DNM1: variants seen among roughly 807,000 people sequenced by gnomAD.
DNM1 encodes the protein dynamin-1.
In DNM1, 29 loss-of-function variants were observed where a neutral mutation model predicts 104.6. That is an observed-to-expected ratio of 0.28 (90% CI 0.21 to 0.38). The LOEUF is 0.38. Ranked by LOEUF, DNM1 falls within the 10% of genes least tolerant of loss-of-function variation. DNM1 has a pLI of 1.00. For missense variants in DNM1, 640 were observed against 1,189.4 expected (o/e 0.54, Z 6.79); for synonymous variants, 445 against 475.8 (o/e 0.94, Z 0.84).
In DNM1 at chr9:128,236,782, G is replaced by T. The variant is rs1368901897; in HGVS notation, c.1423-2663G>T. Among the ~76,000 whole-genome samples, 3 of 152,334 alleles carry T rather than the reference G, an allele frequency of 2.0e-5. No homozygotes were observed. In the East Asian group the frequency reaches 5.8e-4, roughly 29 times the overall value. On this transcript the variant is annotated intron_variant, in intron 11 of 21. Coordinates refer to ENST00000372923, the MANE Select transcript of DNM1 (RefSeq NM_004408.4). The stretch of plus-strand genomic sequence containing the variant: ...TGGGAGGGTCGCCTGAGCCCAGGAA[G>T]TGGAGGCTGCAGTGACCCATGATCA...
intron 13 of DNM1, 47 bp downstream of exon 13, chr9:128,239,826 C>T (rs201058542): frequency 2.5e-5 from 40 of 1,590,366 alleles, no homozygotes; most frequent in African/African-American, 1.1e-4. Flanking sequence ...GGGTGCCGGA[C>T]GGACACCAGA....
chr9:128,235,077 G>A (rs570658741), intron 11 of DNM1: 1 of 152,254 alleles, frequency 6.6e-6, no homozygotes, highest in Admixed American at 6.5e-5. Context: ...ACAGGTGTGA[G>A]CCACCGTGCC....
rs28465466 is a variant in DNM1, at chr9:128,245,759, C to T, written c.1672-635C>T. ...ACACATCCACACTGAGATGCAGACA[C>T]GCTGACACCGACACATGGTTCATGC... On this transcript the variant is annotated intron_variant, in intron 15 of 21. Coordinates refer to ENST00000372923, the MANE Select transcript of DNM1 (RefSeq NM_004408.4). The surrounding 1 kb of genome is among the most constrained non-coding windows in gnomAD (Gnocchi z 5.2). Among the ~76,000 whole-genome samples the T allele has an allele frequency of 9.2e-5, 14 of 152,280 alleles. No individual in the cohort carries two copies. Among genetic ancestry groups the T allele is most frequent in the East Asian group, 3.9e-4 (2 of 5,194 alleles).
intron 10 of DNM1, among the ~76,000 whole-genome samples, chr9:128,225,741 TG>T (rs1397520332): frequency 6.6e-6 from 1 of 151,984 alleles, no homozygotes; most frequent in Non-Finnish European, 1.5e-5. Context: ...ATAGGGGTCT[TG>T]TACGGAGCAG....
In DNM1 at chr9:128,238,945, G is replaced by A. The variant is rs529783692; in HGVS notation, c.1423-500G>A. Among the ~76,000 whole-genome samples, 92 of 150,544 alleles carry A rather than the reference G, an allele frequency of 6.1e-4. No homozygotes were observed. The Middle Eastern group carries it at 0.011, about 18-fold the overall frequency. On this transcript the variant is annotated intron_variant, in intron 11 of 21. Coordinates refer to ENST00000372923, the MANE Select transcript of DNM1 (RefSeq NM_004408.4). ...GCTGGGATTACAGGCGTGAGCCACC[G>A]CACCTGGCCAATTTGTGATTTTCTT...
In DNM1 at chr9:128,222,542, G is replaced by C; in HGVS notation, c.1074G>C (p.Gly358=). The change falls in exon 8 of 22, where the codon GGG becomes GGC. Residue 358 remains glycine, a synonymous_variant. Coordinates refer to ENST00000372923, the MANE Select transcript of DNM1 (RefSeq NM_004408.4). The surrounding 1 kb of genome is among the most constrained non-coding windows in gnomAD (Gnocchi z 7.8). ...GDQIDTYELS[G]GARINRIFHE... is the part of the protein sequence containing the mutation. Reference sequence around the variant, plus strand: ...AGATCGACACCTACGAACTGTCAGGGGGAGCCCGCATTAACCGAATCTTCC... The same window carrying C: ...AGATCGACACCTACGAACTGTCAGGCGGAGCCCGCATTAACCGAATCTTCC... The C allele has an allele frequency of 6.2e-7, 1 of 1,614,150 alleles. No homozygotes were observed. Among genetic ancestry groups the C allele is most frequent in the Non-Finnish European group, 8.5e-7 (1 of 1,180,028 alleles).
In DNM1 at chr9:128,252,751, C is replaced by T. The variant is rs1254100190; in HGVS notation, c.2534+1811C>T. On this transcript the variant is annotated intron_variant, in intron 21 of 21. Coordinates refer to ENST00000372923, the MANE Select transcript of DNM1 (RefSeq NM_004408.4). Reference sequence around the variant, plus strand: ...TGAGCAGCACGGGTGATCCTCTAAGCACACCAGGCACGAGTGTGCAGGGAG... The same window carrying T: ...TGAGCAGCACGGGTGATCCTCTAAGTACACCAGGCACGAGTGTGCAGGGAG... The T allele has an allele frequency of 1.6e-5, 9 of 571,084 alleles. No homozygotes were observed. In the East Asian group the frequency reaches 2.9e-4, roughly 18 times the overall value. The allele number at this position is 571,084 out of a possible 1,614,324, so 35.4% of individuals were successfully genotyped here.
At chr9:128,250,523 G>A (rs1007143982) in intron 20 of DNM1, among the ~76,000 whole-genome samples, 167 bp downstream of exon 20, 133 of 152,214 alleles carry the variant, frequency 8.7e-4, no homozygotes, top group African/African-American at 3.0e-3. Flanking sequence ...GCTTGCCGTG[G>A]AGAGCTGGCT....
chr9:128,234,443 C>G (rs1200783846), intron 11 of DNM1, among the ~76,000 whole-genome samples: 1 of 152,194 alleles, frequency 6.6e-6, no homozygotes, highest in Non-Finnish European at 1.5e-5. Flanking sequence ...CAGCTCACTG[C>G]AACCTCCGCC....
Position 128,254,511 on chromosome 9 carries a change from C to T in DNM1, c.2535-143C>T. The T allele has an allele frequency of 8.5e-6, 13 of 1,535,298 alleles. No homozygotes were observed. The highest frequency in any genetic ancestry group is 2.3e-5 in the South Asian group (2 of 85,378). ...AGCCCCTTTTCCAGGAACCTTGCCACACCCACACCTGCAGCCTCCCCTCCC... is the reference window on the plus strand; with the variant it reads ...AGCCCCTTTTCCAGGAACCTTGCCATACCCACACCTGCAGCCTCCCCTCCC... On this transcript the variant is annotated intron_variant, in intron 21 of 21. Coordinates refer to ENST00000372923, the MANE Select transcript of DNM1 (RefSeq NM_004408.4). The surrounding 1 kb of genome is among the most constrained non-coding windows in gnomAD (Gnocchi z 6.1).
Position 128,224,021 on chromosome 9 carries a change from C to G in DNM1, c.1197-230C>G, listed in dbSNP as rs570056842. 2 of 412,982 alleles carry G rather than the reference C, an allele frequency of 4.8e-6. No individual in the cohort carries two copies. The highest frequency in any genetic ancestry group is 8.4e-6 in the Non-Finnish European group (2 of 238,538). The allele number at this position is 412,982 out of a possible 1,614,324, so 25.6% of individuals were successfully genotyped here. ...CCAAGATTGCGCCACTGCACTCCAGCCTGGGCGACAGAGCAAGACTCCGTC... is the reference window on the plus strand; with the variant it reads ...CCAAGATTGCGCCACTGCACTCCAGGCTGGGCGACAGAGCAAGACTCCGTC... On this transcript the variant is annotated intron_variant, in intron 9 of 21. Coordinates refer to ENST00000372923, the MANE Select transcript of DNM1 (RefSeq NM_004408.4). The surrounding 1 kb of genome is among the most constrained non-coding windows in gnomAD (Gnocchi z 4.3).
chr9:128,212,076 A>C (rs1277285796), intron 1 of DNM1, among the ~76,000 whole-genome samples: 1 of 152,216 alleles, frequency 6.6e-6, no homozygotes, highest in Non-Finnish European at 1.5e-5. Context: ...AAAGGAATGC[A>C]ATGCTGTAGC....
intron 10 of DNM1, among the ~76,000 whole-genome samples, chr9:128,233,389 A>G (rs1042680452): frequency 2.6e-5 from 4 of 151,842 alleles, no homozygotes; most frequent in African/African-American, 7.3e-5. Context: ...CCCGCCTTGC[A>G]TGTCCCCCAG....
intron 10 of DNM1, chr9:128,232,006 T>C (rs569394632): frequency 1.6e-4 from 72 of 456,518 alleles, no homozygotes; most frequent in Middle Eastern, 1.3e-3. Flanking sequence ...ATCCTGGAAA[T>C]GTTCAGAGGC....
Position 128,247,631 on chromosome 9 carries a change from G to A in DNM1, c.1893+145G>A, listed in dbSNP as rs755834604. 4 of 748,716 alleles carry A rather than the reference G, an allele frequency of 5.3e-6. No individual in the cohort carries two copies. Among genetic ancestry groups the A allele is most frequent in the Admixed American group, 2.7e-5 (1 of 37,280 alleles). 46.4% of individuals were successfully genotyped at this position (748,716 alleles called of 1,614,324 possible). ...GAATCCTCCCCCCTACCCACTCTGG[G>A]GGTGGGAACAGAGATAAGTCTCCTG... On this transcript the variant is annotated intron_variant, in intron 17 of 21. Coordinates refer to ENST00000372923, the MANE Select transcript of DNM1 (RefSeq NM_004408.4). The surrounding 1 kb of genome is among the most constrained non-coding windows in gnomAD (Gnocchi z 5.1).
In DNM1 at chr9:128,220,149, G is replaced by A. The variant is rs1007885323; in HGVS notation, c.689-32G>A. 2.5e-6 allele frequency: 4 copies of A among 1,613,482 alleles called. No homozygotes were observed. The highest frequency in any genetic ancestry group is 1.7e-6 in the Non-Finnish European group (2 of 1,179,402). On this transcript the variant is annotated intron_variant, in intron 5 of 21. Coordinates refer to ENST00000372923, the MANE Select transcript of DNM1 (RefSeq NM_004408.4). This position sits in a 1 kb window ranked among gnomAD's most constrained non-coding sequence, Gnocchi z 5.2. ...TCCCCACCCTTCCCCTCCTCTTGAGGCTGGTTGCCCTGACCTTGATACTGT... is the reference window on the plus strand; with the variant it reads ...TCCCCACCCTTCCCCTCCTCTTGAGACTGGTTGCCCTGACCTTGATACTGT...
chr9:128,217,422 G>T (rs1313097755), intron 1 of DNM1, among the ~76,000 whole-genome samples: 1 of 152,126 alleles, frequency 6.6e-6, no homozygotes, highest in Non-Finnish European at 1.5e-5. Flanking sequence ...TTGTTTCTTT[G>T]TGGGTTTTTT....
intron 1 of DNM1, among the ~76,000 whole-genome samples, chr9:128,215,693 C>A (rs1370444690): frequency 6.6e-6 from 1 of 152,218 alleles, no homozygotes; most frequent in African/African-American, 2.4e-5. Context: ...CTCAGGCTCA[C>A]CAGGGCTGCG....
At chr9:128,239,053 A>C (rs573580358) in intron 11 of DNM1, among the ~76,000 whole-genome samples, 1 of 151,720 alleles carries the variant, frequency 6.6e-6, no homozygotes, top group South Asian at 2.1e-4. Context: ...GCTGGAATGC[A>C]GTGGTGCAAT....
Sources: allele counts gnomAD v4.1 joint callset (sites outside exome capture counted in the v4.1 genomes callset), GRCh38; gene constraint gnomAD v4.1.1; non-coding constraint Gnocchi (gnomAD v3.1); transcripts MANE v1.5; gene names NCBI Gene and HGNC (gene_info 2026-07-23, HGNC 2026-07-21).